Variants in ACOT7 observed in about 807,000 individuals in gnomAD.
ACOT7 encodes the protein cytosolic acyl coenzyme A thioester hydrolase.
In ACOT7, 12 loss-of-function variants were observed where a neutral mutation model predicts 40.2. The ratio of observed to expected loss-of-function variants is 0.30; its 90% CI spans 0.19 to 0.48. ACOT7 has a LOEUF of 0.48. Ranked by LOEUF, ACOT7 falls within the 20% of genes least tolerant of loss-of-function variation. The probability of loss-of-function intolerance (pLI) is 0.99; values close to 1 mark genes in which losing one functional copy is unlikely to be tolerated. For missense variants in ACOT7, 395 were observed against 530.8 expected (o/e 0.74, Z 2.51); for synonymous variants, 228 against 219.5 (o/e 1.04, Z -0.34).
rs371949148 is a variant in ACOT7, at chr1:6,332,579, G to T, written c.510+898C>A. 2.5e-4 allele frequency among the ~76,000 whole-genome samples: 38 copies of T among 152,278 alleles called. No homozygotes were observed. The East Asian group carries it at 6.4e-3, about 26-fold the overall frequency. ...ACCTGTAATCCCAGCACTTTGGGAG[G>T]CCGAGGTGGGTGGATCATGAGGTCA... is the stretch of plus-strand genomic sequence containing the variant. On this transcript the variant is annotated intron_variant, in intron 4 of 8. Coordinates refer to ENST00000361521, the MANE Select transcript of ACOT7 (RefSeq NM_007274.4).
Position 6,306,419 on chromosome 1 carries a change from G to C in ACOT7, c.713-11439C>G. ...AGGTGCCTATAGGATGCTTGGACTGGAGTGATATGAACCCCACGCCCAGGC... is the reference window on the plus strand; with the variant it reads ...AGGTGCCTATAGGATGCTTGGACTGCAGTGATATGAACCCCACGCCCAGGC... On this transcript the variant is annotated intron_variant, in intron 6 of 8. Coordinates refer to ENST00000361521, the MANE Select transcript of ACOT7 (RefSeq NM_007274.4). The surrounding 1 kb of genome is among the most constrained non-coding windows in gnomAD (Gnocchi z 4.3). 1 of 985,310 alleles carries C rather than the reference G, an allele frequency of 1.0e-6. No homozygotes were observed. The highest frequency in any genetic ancestry group is 1.2e-6 in the Non-Finnish European group (1 of 829,922). 61.0% of individuals were successfully genotyped at this position (985,310 alleles called of 1,614,324 possible).
chr1:6,341,182 CCCAGA>C (rs1220030801), intron 2 of ACOT7, among the ~76,000 whole-genome samples: 4 of 151,618 alleles, frequency 2.6e-5, no homozygotes, highest in African/African-American at 9.7e-5. Flanking sequence ...CACTCTGTTG[CCCAGA>C]CTGGAATGCA....
rs1262994725 is a variant in ACOT7 at position 6,288,562 on chromosome 1, C to T, written c.829+6302G>A. On this transcript the variant is annotated intron_variant, in intron 7 of 8. Transcript: ENST00000361521. This position sits in a 1 kb window ranked among gnomAD's most constrained non-coding sequence, Gnocchi z 4.3. ...GCTGTGAGCAGAGGAATAGCAGGTC[C>T]CTAGCGTCAAAAGGCTGTGACAATG... 1.3e-5 allele frequency among the ~76,000 whole-genome samples: 2 copies of T among 152,242 alleles called. No individual in the cohort carries two copies. The highest frequency in any genetic ancestry group is 6.5e-5 in the Admixed American group (1 of 15,302).
At chr1:6,265,504 G>T (rs1571250583) in intron 8 of ACOT7, among the ~76,000 whole-genome samples, 1 of 152,204 alleles carries the variant, frequency 6.6e-6, no homozygotes, top group African/African-American at 2.4e-5. Context: ...TTGGTCTGGG[G>T]GCAGAGCCAA....
chr1:6,393,523 T>G lies in ACOT7; in HGVS notation c.-124A>C, dbSNP rs1642575060. 1.1e-6 allele frequency: 1 copy of G among 901,842 alleles called. No homozygotes were observed. Among genetic ancestry groups the G allele is most frequent in the African/African-American group, 1.8e-5 (1 of 55,996 alleles). The allele number at this position is 901,842 out of a possible 1,614,324, so 55.9% of individuals were successfully genotyped here. A position where few individuals can be genotyped will look rare whatever the true frequency, so the allele number is the denominator to read the frequency against. On this transcript the variant is annotated 5_prime_UTR_variant, in exon 1 of 9. Transcript: ENST00000361521. ...CGCCGGCCCCACCCCGAGCCCCGCC[T>G]CCCAGGCCGCCAAGGCTGCAGAGAG... is the stretch of plus-strand genomic sequence containing the variant.
rs544073456 is a variant in ACOT7 at position 6,303,366 on chromosome 1, G to A, written c.713-8386C>T. Reference sequence around the variant, plus strand: ...CTTTCTTGGCCACTAATGTATACACGTTAGGTACCAAAGGTATTTTTAATT... The same window carrying A: ...CTTTCTTGGCCACTAATGTATACACATTAGGTACCAAAGGTATTTTTAATT... On this transcript the variant is annotated intron_variant, in intron 6 of 8. Coordinates refer to ENST00000361521, the MANE Select transcript of ACOT7 (RefSeq NM_007274.4). Among the ~76,000 whole-genome samples, 79 of 152,208 alleles carry A rather than the reference G, an allele frequency of 5.2e-4. 1 individual carries two copies. The highest frequency in any genetic ancestry group is 1.7e-3 in the African/African-American group (71 of 41,516).
At chr1:6,318,461 G>C in intron 6 of ACOT7, 31 bp downstream of exon 6, 1 of 1,605,382 alleles carries the variant, frequency 6.2e-7, no homozygotes, top group Non-Finnish European at 8.5e-7. Flanking sequence ...CAAGGGACAG[G>C]AATGGAGTGG....
chr1:6,309,704 C>A (rs1640277881), intron 6 of ACOT7, among the ~76,000 whole-genome samples: 1 of 152,104 alleles, frequency 6.6e-6, no homozygotes, highest in South Asian at 2.1e-4. Context: ...GAGGCTTAGG[C>A]TTAATGGGTC....
At chr1:6,297,545 G>A (rs144954367) in intron 6 of ACOT7, among the ~76,000 whole-genome samples, 9 of 152,276 alleles carry the variant, frequency 5.9e-5, no homozygotes, top group African/African-American at 9.6e-5. Flanking sequence ...CCTACCTAGC[G>A]CCCCCCATGG....
At chr1:6,363,599 A>C (rs1025238946) in intron 1 of ACOT7, among the ~76,000 whole-genome samples, 1 of 152,026 alleles carries the variant, frequency 6.6e-6, no homozygotes, top group African/African-American at 2.4e-5. Context: ...TAATGGCGTA[A>C]GCTGTCTCTC....
rs1282855935 is a variant in ACOT7, at chr1:6,330,167, T to A, written c.511-2754A>T. Among the ~76,000 whole-genome samples, 8 of 152,228 alleles carry A rather than the reference T, an allele frequency of 5.3e-5. No homozygotes were observed. The highest frequency in any genetic ancestry group is 8.8e-5 in the Non-Finnish European group (6 of 68,042). On this transcript the variant is annotated intron_variant, in intron 4 of 8. Transcript: ENST00000361521. This position sits in a 1 kb window ranked among gnomAD's most constrained non-coding sequence, Gnocchi z 4.6. Reference sequence around the variant, plus strand: ...TAATATATATCTGTATATCTATACATACAGGGACGTACATTTTCCTAAATC... The same window carrying A: ...TAATATATATCTGTATATCTATACAAACAGGGACGTACATTTTCCTAAATC...
rs113667329 is a variant in ACOT7, at chr1:6,289,827, G to T, written c.829+5037C>A. On this transcript the variant is annotated intron_variant, in intron 7 of 8. Transcript: ENST00000361521. This position sits in a 1 kb window ranked among gnomAD's most constrained non-coding sequence, Gnocchi z 4.6. The stretch of plus-strand genomic sequence containing the variant: ...CTACAGGCTTGAGCCATCGTGCCCA[G>T]GCCCAGCTATTTTTCTAATAAAATA... 3.3e-5 allele frequency among the ~76,000 whole-genome samples: 5 copies of T among 152,284 alleles called. No homozygotes were observed. The highest frequency in any genetic ancestry group is 1.3e-4 in the Admixed American group (2 of 15,296).
intron 2 of ACOT7, among the ~76,000 whole-genome samples, chr1:6,341,955 A>G (rs1641289353): frequency 6.6e-6 from 1 of 152,192 alleles, no homozygotes; most frequent in Non-Finnish European, 1.5e-5. Flanking sequence ...GATGGTGGAC[A>G]TGGACAGGTG....
intron 1 of ACOT7, among the ~76,000 whole-genome samples, chr1:6,388,457 G>A (rs375441844): frequency 1.3e-5 from 2 of 151,420 alleles, no homozygotes; most frequent in African/African-American, 2.4e-5. Flanking sequence ...GACAGAGCCC[G>A]GCCTGGTGCA....
rs561500092 is a variant in ACOT7 at position 6,355,887 on chromosome 1, C to T, written c.144-6021G>A. 3.9e-5 allele frequency among the ~76,000 whole-genome samples: 6 copies of T among 152,224 alleles called. No individual in the cohort carries two copies. The highest frequency in any genetic ancestry group is 8.8e-5 in the Non-Finnish European group (6 of 67,984). Reference sequence around the variant, plus strand: ...AGGGGAGCCTGGCAGGGAGGGGAGCCGCTCCTGCCCCCTGGCCTCACCTTG... The same window carrying T: ...AGGGGAGCCTGGCAGGGAGGGGAGCTGCTCCTGCCCCCTGGCCTCACCTTG... On this transcript the variant is annotated intron_variant, in intron 1 of 8. Coordinates refer to ENST00000361521, the MANE Select transcript of ACOT7 (RefSeq NM_007274.4). This position sits in a 1 kb window ranked among gnomAD's most constrained non-coding sequence, Gnocchi z 5.0.
At chr1:6,305,034 C>G (rs1211694828) in intron 6 of ACOT7, among the ~76,000 whole-genome samples, 4 of 149,480 alleles carry the variant, frequency 2.7e-5, no homozygotes, top group African/African-American at 9.9e-5. Context: ...CTGACCCCCC[C>G]GCCTCCCTCC....
At position 6,355,647 on chromosome 1, in the gene ACOT7, T is replaced by C. The variant is rs1019250311; in HGVS notation, c.144-5781A>G. On this transcript the variant is annotated intron_variant, in intron 1 of 8. Coordinates refer to ENST00000361521, the MANE Select transcript of ACOT7 (RefSeq NM_007274.4). The surrounding 1 kb of genome is among the most constrained non-coding windows in gnomAD (Gnocchi z 5.0). ...GACCTCGGTGAGATGCCTGTGTCTT[T>C]TGGATGCCTTTAAACCATCTCAACC... Among the ~76,000 whole-genome samples, 2 of 152,302 alleles carry C rather than the reference T, an allele frequency of 1.3e-5. No homozygotes were observed. The highest frequency in any genetic ancestry group is 3.9e-4 in the East Asian group (2 of 5,184).
intron 2 of ACOT7, among the ~76,000 whole-genome samples, chr1:6,341,428 C>T (rs1641274319): frequency 6.6e-6 from 1 of 151,994 alleles, no homozygotes; most frequent in African/African-American, 2.4e-5. Flanking sequence ...CCACCGTGCC[C>T]GGCCCAACTA....
Position 6,274,709 on chromosome 1 carries a change from C to T in ACOT7, c.1014+6393G>A, listed in dbSNP as rs1639139531. Reference sequence around the variant, plus strand: ...GTGGAAAACTTTCCACTAAAATGTGCCCCAACCCCCACACTCCACAGTGGC... The same window carrying T: ...GTGGAAAACTTTCCACTAAAATGTGTCCCAACCCCCACACTCCACAGTGGC... On this transcript the variant is annotated intron_variant, in intron 8 of 8. Coordinates refer to ENST00000361521, the MANE Select transcript of ACOT7 (RefSeq NM_007274.4). This position sits in a 1 kb window ranked among gnomAD's most constrained non-coding sequence, Gnocchi z 5.9. Among the ~76,000 whole-genome samples the T allele has an allele frequency of 6.6e-6, 1 of 152,210 alleles. No individual in the cohort carries two copies. The highest frequency in any genetic ancestry group is 2.1e-4 in the South Asian group (1 of 4,830).
Sources: gnomAD v4.1 joint callset for allele counts (sites outside exome capture counted in the v4.1 genomes callset) on GRCh38, gnomAD v4.1.1 for gene constraint, Gnocchi (gnomAD v3.1) non-coding constraint, MANE v1.5 for transcripts, NCBI Gene and HGNC (gene_info 2026-07-23, HGNC 2026-07-21) for gene names.